The following RANBP2 variants were observed in gnomAD, a reference collection of about 807,000 sequenced individuals.
The protein encoded by RANBP2 is E3 SUMO-protein ligase RanBP2.
RANBP2 carries 57 observed loss-of-function variants against 303.6 expected under a neutral mutation model. The ratio of observed to expected loss-of-function variants is 0.19; its 90% CI spans 0.15 to 0.23. The LOEUF (loss-of-function observed/expected upper bound fraction) is 0.23. Ranked by LOEUF, RANBP2 falls within the 10% of genes least tolerant of loss-of-function variation. The probability of loss-of-function intolerance (pLI) is 1.00; values close to 1 mark genes in which losing one functional copy is unlikely to be tolerated. For synonymous variants in RANBP2, 1,167 were observed against 1,301.5 expected, an observed-to-expected ratio of 0.90 and a Z score of 2.23; for missense variants, 3,138 against 3,780.8, an observed-to-expected ratio of 0.83 and a Z score of 4.46.
the RANBP2 span, among the ~76,000 whole-genome samples, chr2:109,468,820 C>G: frequency 6.9e-6 from 1 of 145,524 alleles, no homozygotes; most frequent in Non-Finnish European, 1.5e-5. Context: ...CGGCAGTGCA[C>G]TCCAGCCTGG....
chr2:109,210,556 C>T, the RANBP2 span, among the ~76,000 whole-genome samples: 1 of 152,152 alleles, frequency 6.6e-6, no homozygotes, highest in African/African-American at 2.4e-5. Context: ...TTCAAGAGCT[C>T]AGGGCAAATG....
chr2:109,386,692 G>T, the RANBP2 span, among the ~76,000 whole-genome samples: 1 of 152,152 alleles, frequency 6.6e-6, no homozygotes, highest in Non-Finnish European at 1.5e-5. Context: ...TCCCTCAGGT[G>T]TCAGTCCAGG....
intron 6 of RANBP2, among the ~76,000 whole-genome samples, chr2:108,739,388 T>G (rs2149153190): frequency 6.6e-6 from 1 of 152,068 alleles, no homozygotes; most frequent in East Asian, 1.9e-4. Context: ...TGTGACAGAG[T>G]GAGATTCTGT....
At chr2:109,712,359 G>A in the RANBP2 span, among the ~76,000 whole-genome samples, 1 of 152,144 alleles carries the variant, frequency 6.6e-6, no homozygotes, top group Admixed American at 6.5e-5. Context: ...CTCACTCTCA[G>A]GGCTATGTAG....
chr2:108,935,625 T>G, the RANBP2 span, among the ~76,000 whole-genome samples: 1 of 152,260 alleles, frequency 6.6e-6, no homozygotes, highest in East Asian at 1.9e-4. Context: ...AAAGAACAAA[T>G]GCCGTCATTA....
chr2:108,771,819 T>C lies in RANBP2; in HGVS notation c.7968T>C (p.Thr2656=). Residue 2656 remains threonine (T), a synonymous_variant, in exon 21 of 29, where the codon ACT becomes ACC. Coordinates refer to ENST00000283195, the MANE Select transcript of RANBP2 (RefSeq NM_006267.5). ...CAACCAAACTTAAACTTCCTCCAAC[T>C]TTCTTCTGCTACAAGAATAGACCAG... ...ALATKLKLPP[T]FFCYKNRPDY... The C allele has an allele frequency of 6.2e-7, 1 of 1,614,044 alleles. No homozygotes were observed. The highest frequency in any genetic ancestry group is 8.5e-7 in the Non-Finnish European group (1 of 1,179,946).
At chr2:109,345,070 T>G in the RANBP2 span, among the ~76,000 whole-genome samples, 1 of 152,098 alleles carries the variant, frequency 6.6e-6, no homozygotes, top group Non-Finnish European at 1.5e-5. Context: ...AAAGACAGAA[T>G]CCCCGTGACT....
chr2:109,307,889 T>A, the RANBP2 span, among the ~76,000 whole-genome samples: 3 of 124,844 alleles, frequency 2.4e-5, no homozygotes, highest in South Asian at 2.6e-4. Context: ...AACATACGTG[T>A]GCATGTGTCT....
chr2:108,961,815 G>T, the RANBP2 span, among the ~76,000 whole-genome samples: 1 of 152,176 alleles, frequency 6.6e-6, no homozygotes, highest in Non-Finnish European at 1.5e-5. Flanking sequence ...ACCTGAGCCT[G>T]GGGAGGGAGA....
At chr2:108,930,721 A>G in the RANBP2 span, among the ~76,000 whole-genome samples, 1 of 152,144 alleles carries the variant, frequency 6.6e-6, no homozygotes, top group Non-Finnish European at 1.5e-5. Flanking sequence ...CACCACAAAC[A>G]AGCAATCAAG....
chr2:109,332,728 C>T, the RANBP2 span, among the ~76,000 whole-genome samples: 1 of 152,176 alleles, frequency 6.6e-6, no homozygotes, highest in African/African-American at 2.4e-5. Flanking sequence ...AGAACATATC[C>T]AGGAGCAGCC....
At chr2:109,461,297 C>A in the RANBP2 span, among the ~76,000 whole-genome samples, 1 of 152,340 alleles carries the variant, frequency 6.6e-6, no homozygotes. Flanking sequence ...TCTACCAAGG[C>A]CCAGTGGCAG....
chr2:109,054,051 C>T, the RANBP2 span, among the ~76,000 whole-genome samples: 9 of 152,164 alleles, frequency 5.9e-5, no homozygotes, highest in African/African-American at 1.7e-4. Flanking sequence ...ACTACCTGGG[C>T]GGCTCTGCAA....
the RANBP2 span, among the ~76,000 whole-genome samples, chr2:109,458,565 C>G: frequency 2.0e-5 from 1 of 48,864 alleles, no homozygotes; most frequent in Admixed American, 2.4e-4. Flanking sequence ...ACAGAACCAG[C>G]AGGAGACAGA....
At chr2:109,252,735 A>C in the RANBP2 span, among the ~76,000 whole-genome samples, 4 of 152,248 alleles carry the variant, frequency 2.6e-5, no homozygotes, top group Admixed American at 2.6e-4. Context: ...TGGCTAATGT[A>C]ATCAGCCTAC....
the RANBP2 span, among the ~76,000 whole-genome samples, chr2:108,990,476 G>A: frequency 1.1e-4 from 16 of 150,752 alleles, no homozygotes; most frequent in African/African-American, 3.4e-4. Flanking sequence ...AAATTAGCCG[G>A]TGGTGGCATG....
the RANBP2 span, among the ~76,000 whole-genome samples, chr2:109,722,486 T>G: frequency 1.3e-5 from 2 of 152,240 alleles, no homozygotes; most frequent in Admixed American, 6.5e-5. Flanking sequence ...TGTTTCAATT[T>G]TTATTTCAAG....
chr2:109,231,951 A>T, the RANBP2 span, among the ~76,000 whole-genome samples: 1 of 152,252 alleles, frequency 6.6e-6, no homozygotes, highest in Non-Finnish European at 1.5e-5. Flanking sequence ...AGTTGTGTCC[A>T]TCACCACAAT....
the RANBP2 span, among the ~76,000 whole-genome samples, chr2:109,091,875 T>C: frequency 1.6e-4 from 24 of 152,162 alleles, 1 homozygote; most frequent in African/African-American, 5.8e-4. Context: ...TGTAGCCCCA[T>C]TGTGGGATGT....
Sources: allele counts gnomAD v4.1 joint callset (sites outside exome capture counted in the v4.1 genomes callset), GRCh38; gene constraint gnomAD v4.1.1; transcripts MANE v1.5; gene names NCBI Gene and HGNC (gene_info 2026-07-23, HGNC 2026-07-21).